The following ADAM9 variants were observed in gnomAD, a reference collection of about 807,000 sequenced individuals.
ADAM9 encodes disintegrin and metalloproteinase domain-containing protein 9.
A neutral mutation model predicts 108.1 loss-of-function variants in ADAM9; 54 were observed. The ratio of observed to expected loss-of-function variants is 0.50; its 90% confidence interval spans 0.40 to 0.63. ADAM9 has a LOEUF of 0.63. Ranked by LOEUF, ADAM9 falls within the 20% of genes least tolerant of loss-of-function variation. The pLI, the probability that ADAM9 is intolerant of heterozygous loss-of-function variation, is 0.00. For synonymous variants in ADAM9, 316 were observed against 336.0 expected (o/e 0.94, Z 0.65); for missense variants, 830 against 997.7 (o/e 0.83, Z 2.26).
chr8:39,079,236 CT>C (rs1838943461), intron 16 of ADAM9, among the ~76,000 whole-genome samples: 1 of 152,188 alleles, frequency 6.6e-6, no homozygotes, highest in South Asian at 2.1e-4. Flanking sequence ...TTACTACTAG[CT>C]GGCACCACAG....
intron 14 of ADAM9, among the ~76,000 whole-genome samples, chr8:39,062,483 G>C (rs1838329129): frequency 6.6e-6 from 1 of 152,192 alleles, no homozygotes; most frequent in Non-Finnish European, 1.5e-5. Flanking sequence ...CTTCTACTTA[G>C]ACAGAAACAG....
intron 18 of ADAM9, among the ~76,000 whole-genome samples, chr8:39,084,448 T>C (rs1038942809): frequency 5.9e-5 from 9 of 151,908 alleles, no homozygotes; most frequent in Non-Finnish European, 1.0e-4. Context: ...CTAATATGCT[T>C]TTTTTTTCTT....
chr8:39,065,715 C>T (rs1838446280), intron 14 of ADAM9, among the ~76,000 whole-genome samples: 1 of 138,724 alleles, frequency 7.2e-6, no homozygotes, highest in Non-Finnish European at 1.6e-5. Context: ...ATGCACGAAA[C>T]ATCTCTCATG....
rs768450851 is a variant in ADAM9, at chr8:39,017,242, C to T, written c.434C>T (p.Ala145Val). ...GLRGLLHLEN[A>V]SYGIEPLQNS... is the part of the protein sequence containing the mutation. ...AGAGGATTGCTGCATTTAGAGAATGCGAGTTATGGGATTGAACCCCTGCAG... is the reference window on the plus strand; with the variant it reads ...AGAGGATTGCTGCATTTAGAGAATGTGAGTTATGGGATTGAACCCCTGCAG... Residue 145 changes from alanine (A) to valine (V), a missense_variant, in exon 6 of 22, where the codon GCG becomes GTG. By Grantham distance (64) the Ala-to-Val change is moderately conservative (BLOSUM62 0). Transcript: ENST00000487273. The T allele has an allele frequency of 1.2e-5, 20 of 1,613,914 alleles. No individual in the cohort carries two copies. Among genetic ancestry groups the T allele is most frequent in the African/African-American group, 4.0e-5 (3 of 74,890 alleles).
chr8:39,057,820 C>T (rs973509278), intron 14 of ADAM9, among the ~76,000 whole-genome samples: 1 of 152,150 alleles, frequency 6.6e-6, no homozygotes, highest in Non-Finnish European at 1.5e-5. Context: ...CAAAATCACC[C>T]TTACAGAGAC....
intron 1 of ADAM9, among the ~76,000 whole-genome samples, chr8:39,002,616 C>T (rs1246403975): frequency 5.9e-5 from 9 of 151,908 alleles, no homozygotes; most frequent in Non-Finnish European, 1.0e-4. Flanking sequence ...CCACTGTGCC[C>T]GGCCACAATT....
chr8:39,000,289 A>G (rs4733965), intron 1 of ADAM9, among the ~76,000 whole-genome samples: 122,635 of 152,120 alleles, frequency 0.81, 49,586 homozygotes, highest in East Asian at 0.95. Flanking sequence ...ACCGCGCCCC[A>G]GCCTCTCTCA....
intron 12 of ADAM9, among the ~76,000 whole-genome samples, chr8:39,048,654 A>G (rs1837853151): frequency 6.6e-6 from 1 of 152,190 alleles, no homozygotes; most frequent in Non-Finnish European, 1.5e-5. Flanking sequence ...TGTTTTATCC[A>G]TAATTAAAAT....
At chr8:39,031,499 AG>A (rs1837093892) in intron 11 of ADAM9, among the ~76,000 whole-genome samples, 1 of 152,190 alleles carries the variant, frequency 6.6e-6, no homozygotes, top group African/African-American at 2.4e-5. Flanking sequence ...CAGCTCCATC[AG>A]GCCATTTAAG....
chr8:39,084,056 T>C (rs1186645517), intron 18 of ADAM9, among the ~76,000 whole-genome samples: 1 of 152,194 alleles, frequency 6.6e-6, no homozygotes, highest in Non-Finnish European at 1.5e-5. Flanking sequence ...TTCAGTGTGG[T>C]TTTAATTTGC....
chr8:39,033,420 C>T (rs544355457), intron 11 of ADAM9, among the ~76,000 whole-genome samples: 26 of 151,994 alleles, frequency 1.7e-4, no homozygotes, highest in African/African-American at 6.3e-4. Flanking sequence ...TTTCTTTTCT[C>T]ACTGCAGTAG....
chr8:39,050,643 C>G (rs1284686459), intron 12 of ADAM9, among the ~76,000 whole-genome samples: 1 of 152,030 alleles, frequency 6.6e-6, no homozygotes, highest in African/African-American at 2.4e-5. Context: ...TTTTGGGCCT[C>G]TCAAACTTTC....
intron 11 of ADAM9, among the ~76,000 whole-genome samples, chr8:39,035,867 G>A (rs1310537281): frequency 6.6e-6 from 1 of 152,044 alleles, no homozygotes; most frequent in Non-Finnish European, 1.5e-5. Flanking sequence ...TTCTGAACTA[G>A]GATGAGGTTA....
At chr8:39,045,769 T>C (rs1837750193) in intron 12 of ADAM9, among the ~76,000 whole-genome samples, 1 of 152,114 alleles carries the variant, frequency 6.6e-6, no homozygotes, top group African/African-American at 2.4e-5. Context: ...GTTCTAGTTT[T>C]AGTTCTTTGA....
intron 14 of ADAM9, among the ~76,000 whole-genome samples, chr8:39,059,987 A>G (rs1588396234): frequency 1.3e-5 from 2 of 152,230 alleles, no homozygotes; most frequent in Non-Finnish European, 2.9e-5. Context: ...GCTCAATTAC[A>G]TACGTAGCAC....
intron 20 of ADAM9, among the ~76,000 whole-genome samples, chr8:39,097,847 A>G (rs1194547967): frequency 1.3e-5 from 2 of 152,202 alleles, no homozygotes; most frequent in Non-Finnish European, 2.9e-5. Flanking sequence ...TAATAATAGT[A>G]CTAATCACAA....
intron 1 of ADAM9, among the ~76,000 whole-genome samples, chr8:39,001,442 G>A (rs1835989050): frequency 1.3e-5 from 2 of 152,180 alleles, no homozygotes; most frequent in African/African-American, 2.4e-5. Context: ...ATAAGATACC[G>A]TCCTTGATCT....
At chr8:39,037,115 G>GAT (rs1837304144) in intron 11 of ADAM9, among the ~76,000 whole-genome samples, 1 of 131,236 alleles carries the variant, frequency 7.6e-6, no homozygotes, top group Non-Finnish European at 1.6e-5. Flanking sequence ...GGAGTGCAGT[G>GAT]GCGCAGTCTC....
intron 14 of ADAM9, among the ~76,000 whole-genome samples, chr8:39,066,140 C>A (rs1838464347): frequency 6.6e-6 from 1 of 152,200 alleles, no homozygotes; most frequent in Admixed American, 6.5e-5. Flanking sequence ...TTTTCTTAAT[C>A]CAGTCTATCA....
Sources: gnomAD v4.1 joint callset for allele counts (sites outside exome capture counted in the v4.1 genomes callset) on GRCh38, gnomAD v4.1.1 for gene constraint, MANE v1.5 for transcripts, NCBI Gene and HGNC (gene_info 2026-07-23, HGNC 2026-07-21) for gene names.